SORCS1: variants seen among roughly 807,000 people sequenced by gnomAD.
SORCS1 encodes the protein VPS10 domain-containing receptor SorCS1.
In SORCS1, 60 loss-of-function variants were observed where a neutral mutation model predicts 146.1. The ratio of observed to expected loss-of-function variants is 0.41; its 90% CI spans 0.33 to 0.51. The LOEUF (loss-of-function observed/expected upper bound fraction) is 0.51. Among genes scored for constraint, SORCS1 ranks in the 20% least tolerant of loss-of-function variants. The pLI, the probability that SORCS1 is intolerant of heterozygous loss-of-function variation, is 0.21. For synonymous variants in SORCS1, 637 were observed against 584.0 expected (o/e 1.09, Z -1.31); for missense variants, 1,352 against 1,487.6 (o/e 0.91, Z 1.50).
intron 24 of SORCS1, among the ~76,000 whole-genome samples, chr10:106,584,336 G>A (rs762037710): frequency 2.0e-5 from 3 of 152,202 alleles, no homozygotes; most frequent in South Asian, 2.1e-4. Flanking sequence ...CAAGACTGCA[G>A]ACTAGACTAG....
chr10:106,876,502 T>G (rs915533575), intron 2 of SORCS1, among the ~76,000 whole-genome samples: 1 of 152,210 alleles, frequency 6.6e-6, no homozygotes, highest in African/African-American at 2.4e-5. Context: ...GAAAGCACAC[T>G]GCTGGAGATT....
chr10:106,750,320 A>G (rs1858055665), intron 5 of SORCS1, among the ~76,000 whole-genome samples: 1 of 152,170 alleles, frequency 6.6e-6, no homozygotes, highest in Non-Finnish European at 1.5e-5. Context: ...GATCACAGGA[A>G]TCAGTGATGG....
chr10:106,948,838 G>A lies in SORCS1; in HGVS notation c.626+7675C>T, dbSNP rs190025343. Among the ~76,000 whole-genome samples, 118 of 152,192 alleles carry A rather than the reference G, an allele frequency of 7.8e-4. 1 individual carries two copies. The East Asian group carries it at 0.015, about 20-fold the overall frequency. On this transcript the variant is annotated intron_variant, in intron 2 of 25. Coordinates refer to ENST00000263054, the MANE Select transcript of SORCS1 (RefSeq NM_052918.5). ...TAGCTGGGCGTGGTGGCAGGCGCCT[G>A]TAGTCCCAGCTACTCTGGAGGCTGA...
intron 9 of SORCS1, among the ~76,000 whole-genome samples, chr10:106,695,621 G>A (rs1853637620): frequency 6.6e-6 from 1 of 152,198 alleles, no homozygotes; most frequent in Non-Finnish European, 1.5e-5. Context: ...TGTATGTACT[G>A]AATGGGAGAG....
chr10:107,136,673 T>C (rs920481079), intron 1 of SORCS1, among the ~76,000 whole-genome samples: 1 of 152,162 alleles, frequency 6.6e-6, no homozygotes, highest in East Asian at 1.9e-4. Context: ...CATAACCACA[T>C]TGATTATTAA....
intron 3 of SORCS1, among the ~76,000 whole-genome samples, chr10:106,825,238 A>T (rs1394419179): frequency 4.6e-5 from 7 of 151,274 alleles, no homozygotes; most frequent in Non-Finnish European, 8.8e-5. Context: ...ACATCAACTC[A>T]GAGAATTTGA....
intron 5 of SORCS1, among the ~76,000 whole-genome samples, chr10:106,738,543 C>A (rs993447997): frequency 4.6e-5 from 7 of 152,094 alleles, no homozygotes; most frequent in Non-Finnish European, 1.0e-4. Context: ...ATGTTAAAAT[C>A]AGTGTGAGAG....
intron 10 of SORCS1, among the ~76,000 whole-genome samples, chr10:106,681,908 AC>A (rs926234075): frequency 9.2e-5 from 14 of 152,278 alleles, no homozygotes; most frequent in Middle Eastern, 3.4e-3. Flanking sequence ...TGGGTGGATC[AC>A]TTGAGGTCAG....
intron 1 of SORCS1, among the ~76,000 whole-genome samples, chr10:107,024,691 T>C (rs1053647905): frequency 6.6e-6 from 1 of 152,178 alleles, no homozygotes; most frequent in African/African-American, 2.4e-5. Flanking sequence ...TAGCAATACC[T>C]GGTCAATCTT....
intron 5 of SORCS1, among the ~76,000 whole-genome samples, chr10:106,757,835 T>G (rs1035536881): frequency 1.3e-5 from 2 of 152,204 alleles, no homozygotes; most frequent in Non-Finnish European, 2.9e-5. Flanking sequence ...ACAGACAGCC[T>G]TCATTCAAAT....
At chr10:106,740,012 C>T (rs1331497798) in intron 5 of SORCS1, among the ~76,000 whole-genome samples, 1 of 151,808 alleles carries the variant, frequency 6.6e-6, no homozygotes, top group African/African-American at 2.4e-5. Context: ...TAACCTGACC[C>T]CATGGAAATG....
chr10:106,966,834 G>C (rs777877870), intron 1 of SORCS1, among the ~76,000 whole-genome samples: 18 of 152,014 alleles, frequency 1.2e-4, no homozygotes, highest in Non-Finnish European at 2.2e-4. Context: ...CTCACTCAAG[G>C]GAACTCATGG....
intron 6 of SORCS1, among the ~76,000 whole-genome samples, chr10:106,724,513 A>G (rs1856011907): frequency 6.6e-6 from 1 of 152,050 alleles, no homozygotes; most frequent in East Asian, 1.9e-4. Flanking sequence ...AAGAAAAAAA[A>G]ACAAAATAAA....
intron 2 of SORCS1, among the ~76,000 whole-genome samples, chr10:106,922,012 C>T (rs1005095288): frequency 1.3e-5 from 2 of 152,030 alleles, no homozygotes; most frequent in South Asian, 4.1e-4. Context: ...CTTCTGAAGT[C>T]CCAGAAGTAG....
chr10:106,780,374 G>A (rs2136406713), intron 3 of SORCS1, among the ~76,000 whole-genome samples: 2 of 152,228 alleles, frequency 1.3e-5, no homozygotes, highest in South Asian at 4.2e-4. Flanking sequence ...GTTTTGTTGT[G>A]TTTACTTCTC....
At chr10:107,110,696 C>A (rs1297263624) in intron 1 of SORCS1, among the ~76,000 whole-genome samples, 6 of 142,310 alleles carry the variant, frequency 4.2e-5, no homozygotes, top group Non-Finnish European at 9.0e-5. Flanking sequence ...AATATCCAAA[C>A]TATATCATTG....
intron 18 of SORCS1, among the ~76,000 whole-genome samples, chr10:106,636,850 C>A (rs564741588): frequency 1.3e-5 from 2 of 152,322 alleles, no homozygotes; most frequent in East Asian, 1.9e-4. Flanking sequence ...AGCACTCTTA[C>A]AACTCGTTCA....
intron 2 of SORCS1, among the ~76,000 whole-genome samples, chr10:106,855,138 T>C (rs1198640957): frequency 6.6e-6 from 1 of 152,152 alleles, no homozygotes; most frequent in Non-Finnish European, 1.5e-5. Context: ...TTTTGCAGGG[T>C]ACAGAATTCT....
intron 5 of SORCS1, among the ~76,000 whole-genome samples, chr10:106,755,051 A>T (rs1002380286): frequency 1.3e-5 from 2 of 152,230 alleles, no homozygotes; most frequent in African/African-American, 4.8e-5. Context: ...GCTTTATACT[A>T]AACTTGACTC....
Sources: allele counts gnomAD v4.1 joint callset (sites outside exome capture counted in the v4.1 genomes callset), GRCh38; gene constraint gnomAD v4.1.1; transcripts MANE v1.5; gene names NCBI Gene and HGNC (gene_info 2026-07-23, HGNC 2026-07-21).